PIK3C2A: variants seen among roughly 807,000 people sequenced by gnomAD.
PIK3C2A encodes the protein phosphatidylinositol-4-phosphate 3-kinase catalytic subunit type 2 alpha.
A neutral mutation model predicts 204.5 loss-of-function variants in PIK3C2A; 97 were observed. The ratio of observed to expected loss-of-function variants is 0.47; its 90% CI spans 0.40 to 0.56. The LOEUF (loss-of-function observed/expected upper bound fraction) is 0.56, where lower values mean the gene tolerates loss of function less well. PIK3C2A is among the 20% of genes least tolerant of loss of function. The pLI, the probability that PIK3C2A is intolerant of heterozygous loss-of-function variation, is 0.00. For synonymous variants in PIK3C2A, 653 were observed against 664.4 expected, an observed-to-expected ratio of 0.98 and a Z score of 0.26; for missense variants, 1,735 against 1,969.2, an observed-to-expected ratio of 0.88 and a Z score of 2.25.
intron 12 of PIK3C2A, 87 bp from the exon 13 acceptor site, chr11:17,129,554 AT>A (rs2137372876): frequency 1.2e-6 from 1 of 805,828 alleles, no homozygotes; most frequent in South Asian, 1.7e-5. Flanking sequence ...AATTTTAGGT[AT>A]TGTATTTAAC....
rs1849314774 is a variant in PIK3C2A, at chr11:17,119,794, A to T, written c.2838T>A (p.Leu946=). Residue 946 remains leucine (L), a synonymous_variant, in exon 16 of 33, where the codon CTT becomes CTA. Transcript: ENST00000691414. ...AAATGTATTTGACTTACTTTGAATC[A>T]AGAAGTTCCAATGCAATTAGTGGGT... is the stretch of plus-strand genomic sequence containing the variant. ...ALYPLIALEL[L]DSKFADQEVR... The T allele has an allele frequency of 3.9e-6, 6 of 1,543,166 alleles. No individual in the cohort carries two copies. Among genetic ancestry groups the T allele is most frequent in the Non-Finnish European group, 5.2e-6 (6 of 1,148,560 alleles).
At chr11:17,150,294 A>G (rs1365744416) in intron 4 of PIK3C2A, among the ~76,000 whole-genome samples, 2 of 152,218 alleles carry the variant, frequency 1.3e-5, no homozygotes, top group Non-Finnish European at 2.9e-5. Flanking sequence ...CCACTGATTA[A>G]CAAAAGTTAC....
At chr11:17,141,001 C>T (rs1850046119) in intron 8 of PIK3C2A, among the ~76,000 whole-genome samples, 1 of 151,794 alleles carries the variant, frequency 6.6e-6, no homozygotes, top group African/African-American at 2.4e-5. Context: ...CAGGGGTCCC[C>T]AGTGGGGAAC....
intron 15 of PIK3C2A, among the ~76,000 whole-genome samples, chr11:17,120,788 T>C (rs1419396945): frequency 6.6e-6 from 1 of 152,162 alleles, no homozygotes; most frequent in Admixed American, 6.5e-5. Flanking sequence ...AATTAGTACA[T>C]ACAGCTATAA....
In PIK3C2A at chr11:17,155,624, GTC is replaced by G; in HGVS notation, c.1069_1070del (p.Asp357ProfsTer6). Reference sequence around the variant, plus strand: ...TTGGCAAACTACTGGTCCCATTTGGGTCTTTCTGTAATTAAAAAAGTGTTTTT... The same window carrying G: ...TTGGCAAACTACTGGTCCCATTTGGGTTTCTGTAATTAAAAAAGTGTTTTT... ...AKAQGHISQK[D>X]PNGTSSLPTG... On this transcript the variant is annotated frameshift_variant, in exon 3 of 33. Transcript: ENST00000691414. LOFTEE classifies it high-confidence loss of function. The G allele has an allele frequency of 6.3e-7, 1 of 1,585,092 alleles. No individual in the cohort carries two copies. Among genetic ancestry groups the G allele is most frequent in the Non-Finnish European group, 8.6e-7 (1 of 1,156,306 alleles).
intron 1 of PIK3C2A, among the ~76,000 whole-genome samples, chr11:17,189,166 T>C (rs1046098953): frequency 1.4e-5 from 2 of 147,190 alleles, no homozygotes; most frequent in African/African-American, 5.4e-5. Context: ...AGTGGTAAAC[T>C]GAATCAAACT....
chr11:17,127,260 TA>T (rs1329110714), intron 13 of PIK3C2A, among the ~76,000 whole-genome samples: 1 of 151,972 alleles, frequency 6.6e-6, no homozygotes, highest in Non-Finnish European at 1.5e-5. Flanking sequence ...CCTCCTCAAA[TA>T]GGGGGGAAGC....
chr11:17,191,086 T>C (rs1851925223), intron 1 of PIK3C2A, among the ~76,000 whole-genome samples: 1 of 152,250 alleles, frequency 6.6e-6, no homozygotes, highest in South Asian at 2.1e-4. Context: ...TCGGTTCTTA[T>C]TAATACATGG....
chr11:17,192,212 A>C (rs677540), intron 1 of PIK3C2A, among the ~76,000 whole-genome samples: 87,908 of 151,892 alleles, frequency 0.58, 25,790 homozygotes, highest in East Asian at 0.82. Flanking sequence ...ATTTGTTTAA[A>C]CATGTGTTTG....
At position 17,092,011 on chromosome 11, in the gene PIK3C2A, T is replaced by C. The variant is rs1179542197; in HGVS notation, c.4627A>G (p.Ile1543Val). The C allele has an allele frequency of 1.9e-6, 3 of 1,606,716 alleles. No homozygotes were observed. The highest frequency in any genetic ancestry group is 2.2e-5 in the East Asian group (1 of 44,816). The stretch of plus-strand genomic sequence containing the variant: ...ATAATCTCACCTGCAGACCTAGCTA[T>C]CCCTTCAGCTTTCTCATCACGAAGT... ...PLLRDEKAEGIARSADAGSFS... is the reference protein window; with the variant it reads ...PLLRDEKAEGVARSADAGSFS... Residue 1543 changes from isoleucine (I) to valine (V), a missense_variant, in exon 30 of 33, where the codon ATA becomes GTA. Ile to Val is a conservative substitution (Grantham distance 29). This residue lies in a region of PIK3C2A where 503 missense variants were observed against 669.0 expected (regional missense o/e 0.75). Coordinates refer to ENST00000691414, the MANE Select transcript of PIK3C2A (RefSeq NM_002645.4).
chr11:17,183,757 C>T (rs1851648685), intron 1 of PIK3C2A, among the ~76,000 whole-genome samples: 1 of 151,946 alleles, frequency 6.6e-6, no homozygotes. Context: ...TCATGTACCA[C>T]ATGACACTCC....
At chr11:17,194,370 A>T (rs1238508687) in intron 1 of PIK3C2A, 1 of 242,638 alleles carries the variant, frequency 4.1e-6, no homozygotes, top group African/African-American at 2.2e-5. Context: ...TGCCGTCTGC[A>T]TGGGGCTGGG....
At chr11:17,142,866 G>GAATT (rs1336974419) in intron 8 of PIK3C2A, among the ~76,000 whole-genome samples, 1 of 152,114 alleles carries the variant, frequency 6.6e-6, no homozygotes, top group Non-Finnish European at 1.5e-5. Flanking sequence ...GGGAAGAAAG[G>GAATT]AATTGGAAGC....
At chr11:17,184,035 A>G (rs1851660440) in intron 1 of PIK3C2A, among the ~76,000 whole-genome samples, 1 of 151,902 alleles carries the variant, frequency 6.6e-6, no homozygotes, top group Admixed American at 6.6e-5. Flanking sequence ...TAGGACACTC[A>G]CTTGAGACCA....
intron 13 of PIK3C2A, among the ~76,000 whole-genome samples, chr11:17,124,794 C>T (rs1849471465): frequency 6.6e-6 from 1 of 152,080 alleles, no homozygotes; most frequent in African/African-American, 2.4e-5. Context: ...GTTTGGTCTC[C>T]TTCTCTTTTT....
At chr11:17,114,127 A>G (rs561333350) in intron 20 of PIK3C2A, among the ~76,000 whole-genome samples, 43 of 151,892 alleles carry the variant, frequency 2.8e-4, no homozygotes, top group Non-Finnish European at 4.6e-4. Context: ...AGGTGAGACC[A>G]ATTTAAAAAA....
rs768375136 is a variant in PIK3C2A at position 17,097,161 on chromosome 11, T to G, written c.4222A>C (p.Ile1408Leu). 2.5e-6 allele frequency: 4 copies of G among 1,611,402 alleles called. No homozygotes were observed. The African/African-American group carries it at 5.3e-5, about 22-fold the overall frequency. ...TATGTTTTAGGTGAAAATGAAAGGA[T>G]GGGCTCATCATTAGAAGGAAGACCA... ...FSGLPSNDEPILSFSPKTYSF... is the reference protein window; with the variant it reads ...FSGLPSNDEPLLSFSPKTYSF... Residue 1408 changes from isoleucine (I) to leucine (L), a missense_variant, in exon 27 of 33, where the codon ATC becomes CTC. Ile to Leu is a conservative substitution (Grantham distance 5). Transcript: ENST00000691414.
At chr11:17,207,411 AG>A (rs1156615329) in intron 1 of PIK3C2A, among the ~76,000 whole-genome samples, 1 of 152,152 alleles carries the variant, frequency 6.6e-6, no homozygotes, top group Non-Finnish European at 1.5e-5. Flanking sequence ...GCCGTCACTG[AG>A]AAGTACAACA....
chr11:17,101,643 G>A lies in PIK3C2A; in HGVS notation c.3852-209C>T, dbSNP rs548848674. ...TTTTGAGACAGAGTCCTGCTCTGTC[G>A]CCCAGGCTGGAGTGCAGTGGCGCGA... is the stretch of plus-strand genomic sequence containing the variant. On this transcript the variant is annotated intron_variant, in intron 24 of 32. Transcript: ENST00000691414. Among the ~76,000 whole-genome samples the A allele has an allele frequency of 2.7e-4, 38 of 140,914 alleles. No individual in the cohort carries two copies. In the East Asian group the frequency reaches 4.3e-3, roughly 16 times the overall value. The allele number at this position is 140,914 out of a possible 152,430, so 92.4% of individuals were successfully genotyped here.
Sources: allele counts gnomAD v4.1 joint callset (sites outside exome capture counted in the v4.1 genomes callset), GRCh38; gene constraint gnomAD v4.1.1; regional missense constraint gnomAD v4.1.1; transcripts MANE v1.5; gene names NCBI Gene and HGNC (gene_info 2026-07-23, HGNC 2026-07-21).